SGCZ: variants seen among roughly 807,000 people sequenced by gnomAD.
SGCZ encodes the protein sarcoglycan zeta.
In SGCZ, 40 loss-of-function variants were observed where a neutral mutation model predicts 41.3. The ratio of observed to expected loss-of-function variants is 0.97; its 90% confidence interval spans 0.75 to 1.26. The LOEUF is 1.26. SGCZ is among the 50% of genes most tolerant of loss of function. The probability of loss-of-function intolerance (pLI) is 0.00; values close to 1 mark genes in which losing one functional copy is unlikely to be tolerated. For missense variants in SGCZ, 552 were observed against 369.8 expected (o/e 1.49, Z -4.04); for synonymous variants, 206 against 137.5 (o/e 1.50, Z -3.49).
intron 1 of SGCZ, among the ~76,000 whole-genome samples, chr8:14,880,257 C>T (rs374314318): frequency 6.6e-6 from 1 of 152,078 alleles, no homozygotes; most frequent in African/African-American, 2.4e-5. Flanking sequence ...AATGAGATAC[C>T]ATCTCACACC....
At chr8:14,740,354 C>A (rs1463060950) in intron 1 of SGCZ, among the ~76,000 whole-genome samples, 2 of 151,948 alleles carry the variant, frequency 1.3e-5, no homozygotes, top group African/African-American at 4.8e-5. Flanking sequence ...GGTTTACCAG[C>A]AATCACAGAT....
At chr8:14,699,128 C>G (rs1809056842) in intron 1 of SGCZ, among the ~76,000 whole-genome samples, 1 of 151,164 alleles carries the variant, frequency 6.6e-6, no homozygotes, top group African/African-American at 2.4e-5. Flanking sequence ...TTAAAGGACA[C>G]TAAAACAGTG....
At chr8:14,286,232 T>C (rs1186492429) in intron 3 of SGCZ, among the ~76,000 whole-genome samples, 1 of 152,160 alleles carries the variant, frequency 6.6e-6, no homozygotes, top group Non-Finnish European at 1.5e-5. Flanking sequence ...AGTGACTTTG[T>C]CTATAGCATA....
chr8:15,153,181 C>A (rs1047342208), intron 1 of SGCZ, among the ~76,000 whole-genome samples: 1 of 152,152 alleles, frequency 6.6e-6, no homozygotes, highest in African/African-American at 2.4e-5. Flanking sequence ...ATCCATTACA[C>A]ATAACGGGTA....
intron 1 of SGCZ, among the ~76,000 whole-genome samples, chr8:14,780,093 G>A (rs888434914): frequency 6.6e-6 from 1 of 152,046 alleles, no homozygotes; most frequent in African/African-American, 2.4e-5. Context: ...GAAAAATACG[G>A]CCGGGCGCAG....
intron 1 of SGCZ, among the ~76,000 whole-genome samples, chr8:15,086,061 T>C (rs1024553780): frequency 1.3e-5 from 2 of 152,250 alleles, no homozygotes; most frequent in Non-Finnish European, 2.9e-5. Context: ...TGAAATGTAA[T>C]CGATTTCCAT....
intron 1 of SGCZ, among the ~76,000 whole-genome samples, chr8:14,646,430 AT>A (rs1807219307): frequency 6.8e-6 from 1 of 147,946 alleles, no homozygotes; most frequent in South Asian, 2.1e-4. Flanking sequence ...TATGTACTAC[AT>A]TTTCATTATC....
rs551774719 is a variant in SGCZ at position 15,055,238 on chromosome 8, CAG to C, written c.39+182345_39+182346del. ...AACTCCAGTTTCCATATCCATAAAA[CAG>C]ATATTTTAATACTGTATACCTACCA... is the stretch of plus-strand genomic sequence containing the variant. On this transcript the variant is annotated intron_variant, in intron 1 of 7. Coordinates refer to ENST00000382080, the MANE Select transcript of SGCZ (RefSeq NM_139167.4). 2.7e-3 allele frequency among the ~76,000 whole-genome samples: 418 copies of C among 152,260 alleles called. 3 individuals are homozygous for C. Among genetic ancestry groups the C allele is most frequent in the African/African-American group, 8.3e-3 (344 of 41,540 alleles).
At chr8:14,794,035 A>G (rs889752635) in intron 1 of SGCZ, among the ~76,000 whole-genome samples, 6 of 152,162 alleles carry the variant, frequency 3.9e-5, no homozygotes, top group African/African-American at 7.2e-5. Context: ...TGTCCTAATA[A>G]AGAAGAACTT....
chr8:14,549,155 G>GTA, intron 2 of SGCZ, among the ~76,000 whole-genome samples: 1 of 152,058 alleles, frequency 6.6e-6, no homozygotes, highest in East Asian at 1.9e-4. Context: ...TCAAGTTTGT[G>GTA]TGTGTGTGTG....
intron 1 of SGCZ, among the ~76,000 whole-genome samples, chr8:15,146,502 G>A (rs902968903): frequency 2.0e-4 from 31 of 152,210 alleles, no homozygotes; most frequent in Non-Finnish European, 3.5e-4. Context: ...AGCCCCGTGA[G>A]TAGATGGGAC....
chr8:14,848,073 C>T (rs899051048), intron 1 of SGCZ, among the ~76,000 whole-genome samples: 29 of 152,030 alleles, frequency 1.9e-4, no homozygotes, highest in Middle Eastern at 3.4e-3. Flanking sequence ...AAATGTATTT[C>T]CATACTAGCA....
At chr8:15,204,706 C>T (rs79692696) in intron 1 of SGCZ, among the ~76,000 whole-genome samples, 8,287 of 152,198 alleles carry the variant, frequency 0.054, 260 homozygotes, top group South Asian at 0.074. Context: ...CTTATCTTTG[C>T]GACCTTTCAT....
At chr8:14,110,011 C>CT (rs906500580) in intron 5 of SGCZ, among the ~76,000 whole-genome samples, 24 of 151,998 alleles carry the variant, frequency 1.6e-4, no homozygotes, top group Non-Finnish European at 2.9e-4. Flanking sequence ...GTTTTTAAAA[C>CT]TTTTTTTCAT....
chr8:14,362,475 G>C (rs889663075), intron 2 of SGCZ, among the ~76,000 whole-genome samples: 1 of 152,064 alleles, frequency 6.6e-6, no homozygotes, highest in Non-Finnish European at 1.5e-5. Flanking sequence ...AGCCAGCAAG[G>C]CTCCATGGGC....
At chr8:14,971,482 G>C (rs1184725856) in intron 1 of SGCZ, among the ~76,000 whole-genome samples, 1 of 151,982 alleles carries the variant, frequency 6.6e-6, no homozygotes, top group Non-Finnish European at 1.5e-5. Flanking sequence ...TATCAGGAAA[G>C]AGGGTAGGAT....
chr8:14,289,576 T>C (rs1431780729), intron 3 of SGCZ, among the ~76,000 whole-genome samples: 1 of 152,114 alleles, frequency 6.6e-6, no homozygotes, highest in African/African-American at 2.4e-5. Flanking sequence ...CAACTGACCA[T>C]TGGTCTATGT....
intron 1 of SGCZ, among the ~76,000 whole-genome samples, chr8:14,688,162 G>A (rs1290130862): frequency 6.6e-6 from 1 of 152,054 alleles, no homozygotes; most frequent in East Asian, 1.9e-4. Flanking sequence ...CACTCTGATG[G>A]TAGTTTCTTT....
chr8:15,034,747 A>G (rs1248106293), intron 1 of SGCZ, among the ~76,000 whole-genome samples: 1 of 151,970 alleles, frequency 6.6e-6, no homozygotes, highest in Non-Finnish European at 1.5e-5. Context: ...GGGAGTTTCA[A>G]TAATGCAAGC....
Sources: gnomAD v4.1 joint callset for allele counts (sites outside exome capture counted in the v4.1 genomes callset) on GRCh38, gnomAD v4.1.1 for gene constraint, MANE v1.5 for transcripts, NCBI Gene and HGNC (gene_info 2026-07-23, HGNC 2026-07-21) for gene names.